The following CTNNB1 variants were observed in gnomAD, a reference collection of about 807,000 sequenced individuals.
The protein encoded by CTNNB1 is catenin beta-1.
In CTNNB1, 6 loss-of-function variants were observed where a neutral mutation model predicts 82.5. That is an observed-to-expected ratio of 0.07 (90% CI 0.04 to 0.14). The LOEUF (loss-of-function observed/expected upper bound fraction) is 0.14. Among genes scored for constraint, CTNNB1 ranks in the 10% least tolerant of loss-of-function variants. The probability of loss-of-function intolerance (pLI) is 1.00; values close to 1 mark genes in which losing one functional copy is unlikely to be tolerated. For missense variants in CTNNB1, 529 were observed against 980.4 expected, an observed-to-expected ratio of 0.54 and a Z score of 6.15; for synonymous variants, 312 against 329.7, an observed-to-expected ratio of 0.95 and a Z score of 0.58.
chr3:41,239,985 T>C lies in CTNNB1; in HGVS notation c.*643T>C, dbSNP rs1298103696. ...CTGACTTTGCTTGCTTTGAAGTAGC[T>C]CTTTTTTTTTTTTTTTTTTTTTTTT... On this transcript the variant is annotated 3_prime_UTR_variant, in exon 15 of 15. Transcript: ENST00000349496. 1 of 112,412 alleles carries C rather than the reference T, an allele frequency of 8.9e-6. No individual in the cohort carries two copies. Among genetic ancestry groups the C allele is most frequent in the Non-Finnish European group, 1.7e-5 (1 of 59,466 alleles). The allele number at this position is 112,412 out of a possible 1,614,324, so 7.0% of individuals were successfully genotyped here. A position where few individuals can be genotyped will look rare whatever the true frequency, so the allele number is the denominator to read the frequency against.
Position 41,225,450 on chromosome 3 carries a change from T to C in CTNNB1, c.612T>C (p.Asn204=), listed in dbSNP as rs747895203. ...MVSAIVRTMQ[N]TNDVETARCT... is the part of the protein sequence containing the mutation. Reference sequence around the variant, plus strand: ...CTGCTATTGTACGTACCATGCAGAATACAAATGATGTAGAAACAGCTCGTT... The same window carrying C: ...CTGCTATTGTACGTACCATGCAGAACACAAATGATGTAGAAACAGCTCGTT... Residue 204 remains asparagine, a synonymous_variant, in exon 5 of 15, where the codon AAT becomes AAC. Transcript: ENST00000349496. The surrounding 1 kb of genome is among the most constrained non-coding windows in gnomAD (Gnocchi z 5.3). The C allele has an allele frequency of 5.9e-5, 95 of 1,613,826 alleles. No individual in the cohort carries two copies. Among genetic ancestry groups the C allele is most frequent in the Non-Finnish European group, 6.9e-5 (81 of 1,179,952 alleles).
intron 1 of CTNNB1, among the ~76,000 whole-genome samples, chr3:41,201,638 G>GA (rs1436009987): frequency 3.5e-4 from 53 of 151,990 alleles, no homozygotes; most frequent in Non-Finnish European, 2.8e-4. Context: ...AGAGTCCTGT[G>GA]GAGTCCTGAG....
intron 1 of CTNNB1, chr3:41,220,885 GA>G (rs1232226419): frequency 1.3e-5 from 2 of 152,154 alleles, no homozygotes; most frequent in African/African-American, 4.8e-5. Context: ...ATGGGAAGAG[GA>G]AAAATAACTT....
At position 41,239,488 on chromosome 3, in the gene CTNNB1, G is replaced by A; in HGVS notation, c.*146G>A. The A allele has an allele frequency of 1.4e-6, 1 of 696,908 alleles. No homozygotes were observed. The highest frequency in any genetic ancestry group is 2.5e-6 in the Non-Finnish European group (1 of 394,016). The allele number at this position is 696,908 out of a possible 1,614,324, so 43.2% of individuals were successfully genotyped here. A position where few individuals can be genotyped will look rare whatever the true frequency, so the allele number is the denominator to read the frequency against. On this transcript the variant is annotated 3_prime_UTR_variant, in exon 15 of 15. Transcript: ENST00000349496. ...TGCCACAAAAACAGGTATATACTTT[G>A]AAAGGAGATGTCTTGGAACATTGGA...
intron 7 of CTNNB1, among the ~76,000 whole-genome samples, chr3:41,228,677 G>A (rs2078234578): frequency 6.6e-6 from 1 of 152,150 alleles, no homozygotes; most frequent in Non-Finnish European, 1.5e-5. Flanking sequence ...CTCCCATTCT[G>A]TAGGTTGTCT....
chr3:41,204,700 A>G (rs2077610498), intron 1 of CTNNB1, among the ~76,000 whole-genome samples: 1 of 152,238 alleles, frequency 6.6e-6, no homozygotes, highest in African/African-American at 2.4e-5. Flanking sequence ...AGTGTTGGTG[A>G]ACAAAATTCA....
At chr3:41,230,703 G>A (rs1376580182) in intron 7 of CTNNB1, among the ~76,000 whole-genome samples, 1 of 152,208 alleles carries the variant, frequency 6.6e-6, no homozygotes, top group Non-Finnish European at 1.5e-5. Context: ...GGGATGTTAA[G>A]TGGGACTGCA....
At position 41,234,447 on chromosome 3, in the gene CTNNB1, C is replaced by T. The variant is rs1023977054; in HGVS notation, c.1683+150C>T. 8.7e-6 allele frequency: 7 copies of T among 804,980 alleles called. No individual in the cohort carries two copies. In the African/African-American group the frequency reaches 1.2e-4, roughly 14 times the overall value. 49.9% of individuals were successfully genotyped at this position (804,980 alleles called of 1,614,324 possible). On this transcript the variant is annotated intron_variant, in intron 10 of 14. Coordinates refer to ENST00000349496, the MANE Select transcript of CTNNB1 (RefSeq NM_001904.4). ...TAAATAAATAAATAATTACACATTT[C>T]TATGGCTGCAGAGAAAATAAGGCAT...
intron 1 of CTNNB1, among the ~76,000 whole-genome samples, chr3:41,218,126 GTTTAAT>G (rs2077957056): frequency 6.6e-6 from 1 of 151,958 alleles, no homozygotes; most frequent in Non-Finnish European, 1.5e-5. Context: ...GTGAATATAG[GTTTAAT>G]TTTAATGTAA....
intron 1 of CTNNB1, among the ~76,000 whole-genome samples, chr3:41,202,659 CA>C (rs1379252974): frequency 6.6e-6 from 1 of 152,110 alleles, no homozygotes; most frequent in East Asian, 1.9e-4. Flanking sequence ...CCTTCTCTAA[CA>C]GACTATTTAT....
In CTNNB1 at chr3:41,239,648, C is replaced by T. The variant is rs4135388; in HGVS notation, c.*306C>T. 1,040 of 467,540 alleles carry T rather than the reference C, an allele frequency of 2.2e-3. 4 individuals carry two copies. The highest frequency in any genetic ancestry group is 3.2e-3 in the Non-Finnish European group (815 of 252,720). The allele number at this position is 467,540 out of a possible 1,614,324, so 29.0% of individuals were successfully genotyped here. On this transcript the variant is annotated 3_prime_UTR_variant, in exon 15 of 15. Coordinates refer to ENST00000349496, the MANE Select transcript of CTNNB1 (RefSeq NM_001904.4). ...TTTAAACATTAATAGCAGCCTTTCT[C>T]TCTTTATACAGCTGTATTGTCTGAA...
At position 41,203,086 on chromosome 3, in the gene CTNNB1, A is replaced by G. The variant is rs545687066; in HGVS notation, c.-49+3416A>G. Among the ~76,000 whole-genome samples the G allele has an allele frequency of 4.2e-5, 6 of 144,452 alleles. No individual in the cohort carries two copies. In the East Asian group the frequency reaches 8.1e-4, roughly 19 times the overall value. 94.8% of individuals were successfully genotyped at this position (144,452 alleles called of 152,430 possible). ...ATGGGCATCTCTTCTGTTAAGAGACATTCCCCACTCTCCAAGTTTCCCTCA... is the reference window on the plus strand; with the variant it reads ...ATGGGCATCTCTTCTGTTAAGAGACGTTCCCCACTCTCCAAGTTTCCCTCA... On this transcript the variant is annotated intron_variant, in intron 1 of 14. Coordinates refer to ENST00000349496, the MANE Select transcript of CTNNB1 (RefSeq NM_001904.4).
At chr3:41,230,205 G>T (rs1441848950) in intron 7 of CTNNB1, among the ~76,000 whole-genome samples, 1 of 152,208 alleles carries the variant, frequency 6.6e-6, no homozygotes, top group African/African-American at 2.4e-5. Context: ...ATGTGGCTGA[G>T]TTCATATAGA....
At chr3:41,232,669 C>T (rs905901155) in intron 7 of CTNNB1, among the ~76,000 whole-genome samples, 1 of 151,930 alleles carries the variant, frequency 6.6e-6, no homozygotes, top group Non-Finnish European at 1.5e-5. Flanking sequence ...GATTGTAAAC[C>T]TTGGAACACA....
chr3:41,235,701 G>A (rs1454426287), intron 10 of CTNNB1, 23 bp from the exon 11 acceptor site: 6 of 1,613,974 alleles, frequency 3.7e-6, no homozygotes, highest in Non-Finnish European at 5.1e-6. Flanking sequence ...TGCCCTGTTT[G>A]TTAACCATGT....
rs978923779 is a variant in CTNNB1 at position 41,223,927 on chromosome 3, G to T, written c.-48-94G>T. ...AAGAGGATATGGGTTTTTTTTGTGG[G>T]TGTAATAGTGACATTTAACAGGTAT... On this transcript the variant is annotated intron_variant, in intron 1 of 14. Transcript: ENST00000349496. The T allele has an allele frequency of 2.3e-5, 21 of 915,066 alleles. No individual in the cohort carries two copies. In the African/African-American group the frequency reaches 3.5e-4, roughly 15 times the overall value. 56.7% of individuals were successfully genotyped at this position (915,066 alleles called of 1,614,324 possible). A position where few individuals can be genotyped will look rare whatever the true frequency, so the allele number is the denominator to read the frequency against.
intron 1 of CTNNB1, chr3:41,221,252 G>T (rs1395143214): frequency 6.6e-6 from 1 of 152,030 alleles, no homozygotes; most frequent in Non-Finnish European, 1.5e-5. Flanking sequence ...TGCATGCCTA[G>T]CCTATATAGT....
chr3:41,233,893 T>C (rs2125641116), intron 9 of CTNNB1, 26 bp downstream of exon 9: 1 of 1,609,614 alleles, frequency 6.2e-7, no homozygotes, highest in Non-Finnish European at 8.5e-7. Flanking sequence ...AGAATTTACC[T>C]TTGTTGCAGA....
chr3:41,227,176 G>T (rs1376955122), intron 6 of CTNNB1, 32 bp from the exon 7 acceptor site: 2 of 1,570,150 alleles, frequency 1.3e-6, no homozygotes, highest in South Asian at 2.2e-5. Flanking sequence ...AAGATTCCTT[G>T]ACTAACAAGA....
Sources: gnomAD v4.1 joint callset for allele counts (sites outside exome capture counted in the v4.1 genomes callset) on GRCh38, gnomAD v4.1.1 for gene constraint, Gnocchi (gnomAD v3.1) non-coding constraint, MANE v1.5 for transcripts, NCBI Gene and HGNC (gene_info 2026-07-23, HGNC 2026-07-21) for gene names.